Variants in KDM7A observed in about 807,000 individuals in gnomAD.
The protein encoded by KDM7A is lysine demethylase 7A.
A neutral mutation model predicts 114.8 loss-of-function variants in KDM7A; 28 were observed. That is an observed-to-expected ratio of 0.24 (90% CI 0.18 to 0.33). The LOEUF (loss-of-function observed/expected upper bound fraction) is 0.33, where lower values mean the gene tolerates loss of function less well. Ranked by LOEUF, KDM7A falls within the 10% of genes least tolerant of loss-of-function variation. The pLI is 1.00. For missense variants in KDM7A, 942 were observed against 1,142.5 expected, an observed-to-expected ratio of 0.82 and a Z score of 2.53; for synonymous variants, 423 against 397.8, an observed-to-expected ratio of 1.06 and a Z score of -0.75.
At chr7:140,095,612 T>C in intron 17 of KDM7A, 2 of 277,886 alleles carry the variant, frequency 7.2e-6, no homozygotes, top group Non-Finnish European at 1.4e-5. Context: ...GCATGGTGGC[T>C]CACACCTGTA....
In KDM7A at chr7:140,086,365, G is replaced by C. The variant is rs963159197; in HGVS notation, c.*4729C>G. 5 of 152,108 alleles carry C rather than the reference G, an allele frequency of 3.3e-5. No homozygotes were observed. Among genetic ancestry groups the C allele is most frequent in the Non-Finnish European group, 5.9e-5 (4 of 68,010 alleles). The allele number at this position is 152,108 out of a possible 1,614,324, so 9.4% of individuals were successfully genotyped here. On this transcript the variant is annotated 3_prime_UTR_variant, in exon 20 of 20. Transcript: ENST00000397560. ...GGGAGAACCTAAGGATATTGCAAAA[G>C]AGTATTATTTTCTCCTCTCAGTTAA...
At chr7:140,129,098 C>A (rs1818749363) in intron 4 of KDM7A, among the ~76,000 whole-genome samples, 1 of 152,192 alleles carries the variant, frequency 6.6e-6, no homozygotes. Flanking sequence ...CTCCAGAGGA[C>A]TAACTGTGCA....
At chr7:140,145,969 T>C (rs977245088) in intron 1 of KDM7A, among the ~76,000 whole-genome samples, 1 of 152,214 alleles carries the variant, frequency 6.6e-6, no homozygotes, top group Admixed American at 6.5e-5. Context: ...AACATGACTA[T>C]TAATCTTCAA....
chr7:140,116,255 AGTGT>A (rs10675737), intron 9 of KDM7A, among the ~76,000 whole-genome samples: 5 of 151,142 alleles, frequency 3.3e-5, no homozygotes, highest in Admixed American at 6.6e-5. Context: ...TTGCAGAATC[AGTGT>A]GTGTGTGTGT....
chr7:140,124,751 T>A lies in KDM7A; in HGVS notation c.921A>T (p.Thr307=), dbSNP rs1389993471. The change falls in exon 7 of 20, where the codon ACA becomes ACT. Residue 307 remains threonine, a synonymous_variant. Coordinates refer to ENST00000397560, the MANE Select transcript of KDM7A (RefSeq NM_030647.2). ...GEKIFYLIKP[T]DENLARYESW... Reference sequence around the variant, plus strand: ...ATTCATAACGTGCCAAATTTTCATCTGTTGGCTTTATTAAATAAAAAATCT... The same window carrying A: ...ATTCATAACGTGCCAAATTTTCATCAGTTGGCTTTATTAAATAAAAAATCT... The A allele has an allele frequency of 6.2e-7, 1 of 1,611,024 alleles. No individual in the cohort carries two copies. The highest frequency in any genetic ancestry group is 2.2e-5 in the East Asian group (1 of 44,824).
At chr7:140,097,509 T>A (rs1483017612) in intron 15 of KDM7A, 36 bp downstream of exon 15, 1 of 1,112,176 alleles carries the variant, frequency 9.0e-7, no homozygotes, top group African/African-American at 1.6e-5. Flanking sequence ...CATCTTTCCA[T>A]CAAATAACGT....
intron 4 of KDM7A, 81 bp from the exon 5 acceptor site, chr7:140,127,664 G>T: frequency 1.7e-6 from 2 of 1,187,042 alleles, no homozygotes; most frequent in Non-Finnish European, 1.2e-6. Context: ...ATTTTAACTT[G>T]GTATGATAAT....
At chr7:140,171,558 T>C (rs1259274786) in intron 1 of KDM7A, among the ~76,000 whole-genome samples, 1 of 107,844 alleles carries the variant, frequency 9.3e-6, no homozygotes, top group East Asian at 2.8e-4. Flanking sequence ...TATATATTTA[T>C]TTTTATATAT....
chr7:140,100,172 G>T, intron 12 of KDM7A, 149 bp from the exon 13 acceptor site: 1 of 693,900 alleles, frequency 1.4e-6, no homozygotes, highest in Non-Finnish European at 2.4e-6. Context: ...CAGCAGTATG[G>T]CACTCCAGAG....
At chr7:140,119,333 T>C in intron 8 of KDM7A, 114 bp from the exon 9 acceptor site, 1 of 534,960 alleles carries the variant, frequency 1.9e-6, no homozygotes, top group East Asian at 2.9e-5. Context: ...CAATAAAGTA[T>C]TTTACATTTC....
intron 9 of KDM7A, among the ~76,000 whole-genome samples, chr7:140,114,332 T>C (rs1340973652): frequency 1.3e-5 from 2 of 152,022 alleles, no homozygotes; most frequent in Non-Finnish European, 2.9e-5. Flanking sequence ...CACGCCTGAT[T>C]GGTTTTCGTA....
At chr7:140,175,262 A>G (rs1794689642) in intron 1 of KDM7A, among the ~76,000 whole-genome samples, 1 of 152,216 alleles carries the variant, frequency 6.6e-6, no homozygotes, top group Non-Finnish European at 1.5e-5. Context: ...ACCTAGCACT[A>G]AACACTGCAA....
intron 1 of KDM7A, among the ~76,000 whole-genome samples, chr7:140,173,840 T>C (rs897002572): frequency 1.3e-5 from 2 of 152,094 alleles, no homozygotes; most frequent in Admixed American, 6.6e-5. Context: ...GGGAAAAACA[T>C]ACAGAGTCCA....
chr7:140,120,073 T>TC (rs1818594935), intron 8 of KDM7A, among the ~76,000 whole-genome samples: 1 of 152,222 alleles, frequency 6.6e-6, no homozygotes, highest in African/African-American at 2.4e-5. Flanking sequence ...TTGATAGCAG[T>TC]CCTGACTTAC....
chr7:140,112,422 C>T (rs927235922), intron 10 of KDM7A, among the ~76,000 whole-genome samples: 1 of 152,146 alleles, frequency 6.6e-6, no homozygotes. Context: ...CCAGCCTGGC[C>T]AACATGGCGA....
chr7:140,103,044 CCA>C (rs1236930916), intron 11 of KDM7A, among the ~76,000 whole-genome samples: 3 of 152,216 alleles, frequency 2.0e-5, no homozygotes, highest in Non-Finnish European at 4.4e-5. Flanking sequence ...TGTTGCACAA[CCA>C]TCACTGCCAT....
rs1055257305 is a variant in KDM7A at position 140,096,980 on chromosome 7, T to C, written c.2084A>G (p.Asn695Ser). The change falls in exon 16 of 20, where the codon AAC becomes AGC. Residue 695 changes from asparagine to serine, a missense_variant. Transcript: ENST00000397560. ...CATCACATTAGATTCCTCCTTAAAGTTGGATGTTATTTCTTGTTTCTTTTC... is the reference window on the plus strand; with the variant it reads ...CATCACATTAGATTCCTCCTTAAAGCTGGATGTTATTTCTTGTTTCTTTTC... ...GDEKKQEITS[N>S]FKEESNVMRN... The C allele has an allele frequency of 8.7e-6, 14 of 1,613,018 alleles. No individual in the cohort carries two copies. Among genetic ancestry groups the C allele is most frequent in the South Asian group, 2.2e-5 (2 of 91,056 alleles).
At chr7:140,136,850 G>A (rs1818878748) in intron 2 of KDM7A, among the ~76,000 whole-genome samples, 1 of 152,120 alleles carries the variant, frequency 6.6e-6, no homozygotes, top group East Asian at 1.9e-4. Flanking sequence ...AGCCAGGTGT[G>A]GTGGCACACA....
chr7:140,115,809 A>AT (rs1818517413), intron 9 of KDM7A, among the ~76,000 whole-genome samples: 1 of 132,048 alleles, frequency 7.6e-6, no homozygotes, highest in African/African-American at 3.0e-5. Context: ...AAATTTAAAA[A>AT]AAATAAATAA....
Sources: allele counts gnomAD v4.1 joint callset (sites outside exome capture counted in the v4.1 genomes callset), GRCh38; gene constraint gnomAD v4.1.1; transcripts MANE v1.5; gene names NCBI Gene and HGNC (gene_info 2026-07-23, HGNC 2026-07-21).